The following MFSD1 variants were observed in gnomAD, a reference collection of about 807,000 sequenced individuals.
MFSD1 encodes lysosomal dipeptide transporter MFSD1.
In MFSD1, 59 loss-of-function variants were observed where a neutral mutation model predicts 67.1. That is an observed-to-expected ratio of 0.88 (90% CI 0.71 to 1.09). The LOEUF is 1.09. Ranked by LOEUF, MFSD1 falls within the 50% of genes least tolerant of loss-of-function variation. The pLI, the probability that MFSD1 is intolerant of heterozygous loss-of-function variation, is 0.00. For synonymous variants in MFSD1, 213 were observed against 200.3 expected, an observed-to-expected ratio of 1.06 and a Z score of -0.54; for missense variants, 552 against 566.1, an observed-to-expected ratio of 0.97 and a Z score of 0.25.
At position 158,814,061 on chromosome 3, in the gene MFSD1, A is replaced by G. The variant is rs771464773; in HGVS notation, c.646A>G (p.Met216Val). ...AGHTTLGITL[M>V]IGGITCILSL... ...TCACACAACCCTCGGGATCACACTT[A>G]TGATTGGTGAGTGAATCCCATGTCC... The change falls in exon 7 of 16, where the codon ATG becomes GTG. Residue 216 changes from methionine to valine, a missense_variant. Physicochemically the swap from Met to Val is conservative, Grantham distance 21 (BLOSUM62 1). Coordinates refer to ENST00000415822, the MANE Select transcript of MFSD1 (RefSeq NM_022736.4). 2.5e-6 allele frequency: 4 copies of G among 1,611,818 alleles called. No homozygotes were observed. In the East Asian group the frequency reaches 8.9e-5, roughly 36 times the overall value.
At chr3:158,807,253 C>A in intron 4 of MFSD1, 143 bp from the exon 5 acceptor site, 1 of 920,028 alleles carries the variant, frequency 1.1e-6, no homozygotes, top group Non-Finnish European at 1.7e-6. Flanking sequence ...AATAAATGAA[C>A]ATTAATATTT....
At chr3:158,813,899 T>G in intron 6 of MFSD1, 66 bp from the exon 7 acceptor site, 1 of 1,170,464 alleles carries the variant, frequency 8.5e-7, no homozygotes, top group Non-Finnish European at 1.2e-6. Flanking sequence ...CAAATCCCTT[T>G]TTTTGAACAA....
chr3:158,807,588 T>A, intron 5 of MFSD1, 125 bp downstream of exon 5: 1 of 730,868 alleles, frequency 1.4e-6, no homozygotes, highest in Non-Finnish European at 2.3e-6. Flanking sequence ...TAGCTTCATA[T>A]GCATAAGAGT....
chr3:158,810,605 A>G (rs1729954523), intron 6 of MFSD1, among the ~76,000 whole-genome samples: 1 of 152,206 alleles, frequency 6.6e-6, no homozygotes, highest in Non-Finnish European at 1.5e-5. Context: ...TCCATAGGCT[A>G]AGTGGCTAGG....
intron 15 of MFSD1, among the ~76,000 whole-genome samples, chr3:158,828,622 CAA>C (rs777241986): frequency 2.0e-5 from 3 of 151,920 alleles, no homozygotes; most frequent in Admixed American, 6.6e-5. Flanking sequence ...GCTAAGTAAA[CAA>C]AAGATAAAAA....
chr3:158,819,069 G>A (rs927807428), intron 7 of MFSD1, among the ~76,000 whole-genome samples: 5 of 152,130 alleles, frequency 3.3e-5, no homozygotes. Flanking sequence ...GAAGTGTATC[G>A]TTATTCACTC....
intron 2 of MFSD1, 38 bp from the exon 3 acceptor site, chr3:158,805,324 T>A: frequency 6.7e-7 from 1 of 1,492,696 alleles, no homozygotes; most frequent in Non-Finnish European, 9.4e-7. Flanking sequence ...TAAACTTAAC[T>A]GTTTGGAAAA....
chr3:158,805,217 T>A (rs942432842), intron 2 of MFSD1, 145 bp from the exon 3 acceptor site: 2 of 674,822 alleles, frequency 3.0e-6, no homozygotes, highest in Non-Finnish European at 5.3e-6. Flanking sequence ...AGGAAGTTAG[T>A]GAGACTTATA....
At chr3:158,804,074 T>A (rs1024538393) in intron 1 of MFSD1, among the ~76,000 whole-genome samples, 2 of 152,150 alleles carry the variant, frequency 1.3e-5, no homozygotes, top group Admixed American at 6.6e-5. Flanking sequence ...AGAAAAATAT[T>A]TAATTGTTGG....
intron 7 of MFSD1, among the ~76,000 whole-genome samples, chr3:158,819,147 G>A (rs1009236710): frequency 1.3e-5 from 2 of 152,220 alleles, no homozygotes; most frequent in Admixed American, 1.3e-4. Flanking sequence ...ACAGGAAAGA[G>A]CTTGAGAGTA....
Position 158,807,037 on chromosome 3 carries a change from C to A in MFSD1, c.330-3C>A. ...TCATTCTCATTCTTTCTTTCCCAAA[C>A]AGATGGGGCACAATCATTTTTAGCT... On this transcript the variant is annotated splice_region_variant and splice_polypyrimidine_tract_variant and intron_variant, in intron 3 of 15. Transcript: ENST00000415822. 6.2e-7 allele frequency: 1 copy of A among 1,606,404 alleles called. No homozygotes were observed. Among genetic ancestry groups the A allele is most frequent in the Non-Finnish European group, 8.5e-7 (1 of 1,176,568 alleles).
At chr3:158,825,298 A>G (rs1160860695) in intron 13 of MFSD1, 1 of 152,196 alleles carries the variant, frequency 6.6e-6, no homozygotes, top group Non-Finnish European at 1.5e-5. Flanking sequence ...AGCTAAGACT[A>G]CAGGTGTGCA....
intron 10 of MFSD1, 49 bp downstream of exon 10, chr3:158,821,702 T>A (rs756016485): frequency 7.0e-7 from 1 of 1,419,844 alleles, no homozygotes. Context: ...GAAGTATGGG[T>A]CTTTATAATC....
rs1731181941 is a variant in MFSD1 at position 158,829,130 on chromosome 3, A to T, written c.*148A>T. 8 of 605,868 alleles carry T rather than the reference A, an allele frequency of 1.3e-5. No individual in the cohort carries two copies. The East Asian group carries it at 2.6e-4, about 20-fold the overall frequency. The allele number at this position is 605,868 out of a possible 1,614,324, so 37.5% of individuals were successfully genotyped here. On this transcript the variant is annotated 3_prime_UTR_variant, in exon 16 of 16. Coordinates refer to ENST00000415822, the MANE Select transcript of MFSD1 (RefSeq NM_022736.4). ...TCCAAATATACCTATTTCAAAGTGTATTTGTGAGGCCTGTTTTAGCCTGTG... is the reference window on the plus strand; with the variant it reads ...TCCAAATATACCTATTTCAAAGTGTTTTTGTGAGGCCTGTTTTAGCCTGTG...
In MFSD1 at chr3:158,826,985, CTAT is replaced by C. The variant is rs954092112; in HGVS notation, c.1337-290_1337-288del. 4.7e-4 allele frequency among the ~76,000 whole-genome samples: 71 copies of C among 152,210 alleles called. 2 individuals are homozygous for C. Among genetic ancestry groups the C allele is most frequent in the Admixed American group, 4.6e-3 (70 of 15,288 alleles). On this transcript the variant is annotated intron_variant, in intron 14 of 15. Coordinates refer to ENST00000415822, the MANE Select transcript of MFSD1 (RefSeq NM_022736.4). ...TTCCTTTAATTTCTCTTAATTTTCA[CTAT>C]TATTGAATATTAATACAGTGTCCTA...
At chr3:158,809,155 T>TG in intron 5 of MFSD1, 24 bp from the exon 6 acceptor site, 1 of 1,376,434 alleles carries the variant, frequency 7.3e-7, no homozygotes, top group Non-Finnish European at 9.8e-7. Flanking sequence ...GACTTCTGGT[T>TG]TTTTTTTTTT....
At chr3:158,815,049 T>C (rs1437501926) in intron 7 of MFSD1, among the ~76,000 whole-genome samples, 2 of 152,132 alleles carry the variant, frequency 1.3e-5, no homozygotes, top group African/African-American at 4.8e-5. Flanking sequence ...GCCGTTGCAC[T>C]CCAGCCTGGA....
At chr3:158,808,567 C>G (rs1423851718) in intron 5 of MFSD1, among the ~76,000 whole-genome samples, 1 of 152,068 alleles carries the variant, frequency 6.6e-6, no homozygotes, top group Non-Finnish European at 1.5e-5. Context: ...TATATAATAT[C>G]GATGGTAATG....
At chr3:158,827,420 G>GTTTTTT in intron 15 of MFSD1, 83 bp downstream of exon 15, 4 of 477,016 alleles carry the variant, frequency 8.4e-6, no homozygotes, top group South Asian at 3.4e-5. Flanking sequence ...GGGCTTTGAA[G>GTTTTTT]TTTTTTTTTT....
Sources: gnomAD v4.1 joint callset for allele counts (sites outside exome capture counted in the v4.1 genomes callset) on GRCh38, gnomAD v4.1.1 for gene constraint, MANE v1.5 for transcripts, NCBI Gene and HGNC (gene_info 2026-07-23, HGNC 2026-07-21) for gene names.